The following PCGF6 variants were observed in gnomAD, a reference collection of about 807,000 sequenced individuals.
PCGF6 encodes the protein polycomb group RING finger protein 6.
PCGF6 carries 24 observed loss-of-function variants against 45.5 expected under a neutral mutation model. The observed-to-expected ratio is 0.53, with a 90% CI of 0.38 to 0.74. The LOEUF is 0.74. PCGF6 is among the 30% of genes least tolerant of loss of function. The pLI is 0.00. For missense variants in PCGF6, 356 were observed against 443.2 expected (o/e 0.80, Z 1.77); for synonymous variants, 152 against 162.1 (o/e 0.94, Z 0.47).
At chr10:103,339,792 T>G (rs929592347) in intron 6 of PCGF6, among the ~76,000 whole-genome samples, 1 of 121,256 alleles carries the variant, frequency 8.2e-6, no homozygotes, top group African/African-American at 3.3e-5. Context: ...AGCGAAATTC[T>G]GTCTGTCTCA....
intron 9 of PCGF6, among the ~76,000 whole-genome samples, 179 bp from the exon 10 acceptor site, chr10:103,304,140 C>CTT (rs34732054): frequency 1.6e-3 from 227 of 142,704 alleles, no homozygotes; most frequent in Middle Eastern, 7.1e-3. Context: ...TGTGAATGTG[C>CTT]TTTTTTTTTT....
At chr10:103,348,063 T>TA (rs2093306158) in intron 3 of PCGF6, among the ~76,000 whole-genome samples, 1 of 152,176 alleles carries the variant, frequency 6.6e-6, no homozygotes, top group Non-Finnish European at 1.5e-5. Context: ...CACAATGAGC[T>TA]AATGACAAAT....
intron 8 of PCGF6, among the ~76,000 whole-genome samples, chr10:103,316,524 CT>C (rs1371938452): frequency 1.3e-5 from 2 of 152,132 alleles, no homozygotes; most frequent in Non-Finnish European, 1.5e-5. Flanking sequence ...AGACATTAAA[CT>C]TTCCTGAGAT....
chr10:103,308,293 G>A (rs1416529082), intron 9 of PCGF6, among the ~76,000 whole-genome samples: 3 of 152,168 alleles, frequency 2.0e-5, no homozygotes, highest in Non-Finnish European at 2.9e-5. Context: ...AGCCATGGGG[G>A]CCAAACCCTG....
chr10:103,346,654 G>C (rs1483210182), intron 5 of PCGF6, among the ~76,000 whole-genome samples: 1 of 152,060 alleles, frequency 6.6e-6, no homozygotes, highest in African/African-American at 2.4e-5. Flanking sequence ...AATTAGCCAG[G>C]TGTGGTGGCG....
intron 8 of PCGF6, among the ~76,000 whole-genome samples, chr10:103,315,988 G>GTA (rs2093173914): frequency 1.8e-5 from 2 of 110,444 alleles, no homozygotes; most frequent in African/African-American, 3.5e-5. Context: ...GTGTGTGTGT[G>GTA]TGTGTGTATA....
intron 9 of PCGF6, among the ~76,000 whole-genome samples, chr10:103,308,421 CAG>C (rs2093145080): frequency 6.6e-6 from 1 of 150,584 alleles, no homozygotes; most frequent in African/African-American, 2.4e-5. Context: ...TTTTCTGAGA[CAG>C]AGTCTTGCTC....
chr10:103,340,901 C>A (rs764255216), intron 6 of PCGF6, among the ~76,000 whole-genome samples: 3 of 152,108 alleles, frequency 2.0e-5, no homozygotes, highest in East Asian at 1.9e-4. Flanking sequence ...CCATGCCTGA[C>A]CCTCAAAATA....
At position 103,320,060 on chromosome 10, in the gene PCGF6, C is replaced by A. The variant is rs545025064; in HGVS notation, c.910-5788G>T. 5.9e-5 allele frequency among the ~76,000 whole-genome samples: 9 copies of A among 152,222 alleles called. No individual in the cohort carries two copies. The South Asian group carries it at 1.0e-3, about 18-fold the overall frequency. On this transcript the variant is annotated intron_variant, in intron 8 of 9. Transcript: ENST00000369847. ...TGACCTCGTGATCCGCCCGCCTCAG[C>A]CTCCCAAAATGCTGAGATTACAGGT...
Position 103,347,251 on chromosome 10 carries a change from T to C in PCGF6, c.660A>G (p.Glu220=), listed in dbSNP as rs768270811. The C allele has an allele frequency of 6.2e-7, 1 of 1,607,002 alleles. No homozygotes were observed. The highest frequency in any genetic ancestry group is 8.5e-7 in the Non-Finnish European group (1 of 1,173,880). The part of the protein sequence containing the change: ...MHDFYKERGL[E]VPKPAVPQPV... ...ACCCAAACTTACCAGGTTTAGGTAC[T>C]TCTAGACCTCTTTCTTTATAGAAAT... The change falls in exon 5 of 10, where the codon GAA becomes GAG. Residue 220 remains glutamate (E), a synonymous_variant. Coordinates refer to ENST00000369847, the MANE Select transcript of PCGF6 (RefSeq NM_001011663.2).
chr10:103,315,086 A>T (rs1246761101), intron 8 of PCGF6, among the ~76,000 whole-genome samples: 1 of 152,058 alleles, frequency 6.6e-6, no homozygotes, highest in Non-Finnish European at 1.5e-5. Context: ...AAATCATAGT[A>T]CAACACTGAC....
intron 8 of PCGF6, among the ~76,000 whole-genome samples, chr10:103,315,988 G>A (rs1474952673): frequency 9.1e-6 from 1 of 110,444 alleles, no homozygotes; most frequent in African/African-American, 3.5e-5. Context: ...GTGTGTGTGT[G>A]TGTGTGTATA....
chr10:103,321,440 G>A (rs985975033), intron 8 of PCGF6, among the ~76,000 whole-genome samples: 4 of 152,078 alleles, frequency 2.6e-5, no homozygotes, highest in East Asian at 3.9e-4. Flanking sequence ...TAGGCTGGGC[G>A]CGGTGGCTCA....
At chr10:103,344,963 G>T in intron 6 of PCGF6, 61 bp downstream of exon 6, 2 of 1,139,778 alleles carry the variant, frequency 1.8e-6, no homozygotes, top group South Asian at 1.5e-5. Context: ...AGTTCACAAT[G>T]ATTTCCTATT....
At chr10:103,343,209 T>C (rs1040485904) in intron 6 of PCGF6, among the ~76,000 whole-genome samples, 2 of 151,944 alleles carry the variant, frequency 1.3e-5, no homozygotes, top group Admixed American at 1.3e-4. Flanking sequence ...ATTATAGGCG[T>C]GAGCCACCGC....
chr10:103,332,641 T>C (rs539669650), intron 7 of PCGF6, among the ~76,000 whole-genome samples: 1 of 152,320 alleles, frequency 6.6e-6, no homozygotes, highest in East Asian at 1.9e-4. Context: ...GACTGACTAC[T>C]ACAGGTTATT....
chr10:103,326,676 C>T, intron 7 of PCGF6, 44 bp from the exon 8 acceptor site: 2 of 1,419,082 alleles, frequency 1.4e-6, no homozygotes, highest in Non-Finnish European at 2.0e-6. Context: ...TTAAATATAC[C>T]TGTACATGCA....
At chr10:103,323,595 C>T (rs2093205777) in intron 8 of PCGF6, among the ~76,000 whole-genome samples, 1 of 144,656 alleles carries the variant, frequency 6.9e-6, no homozygotes, top group African/African-American at 2.6e-5. Flanking sequence ...GCGTCCGGCC[C>T]CTTTTCTTTT....
intron 6 of PCGF6, among the ~76,000 whole-genome samples, chr10:103,339,892 A>G (rs1434532523): frequency 2.1e-5 from 3 of 142,254 alleles, no homozygotes; most frequent in Non-Finnish European, 3.0e-5. Flanking sequence ...GGCCAGGTGC[A>G]GTGGCTCATG....
Sources: allele counts gnomAD v4.1 joint callset (sites outside exome capture counted in the v4.1 genomes callset), GRCh38; gene constraint gnomAD v4.1.1; transcripts MANE v1.5; gene names NCBI Gene and HGNC (gene_info 2026-07-23, HGNC 2026-07-21).